Variants in TYR observed in about 807,000 individuals in gnomAD.
TYR encodes tyrosinase.
In TYR, 58 loss-of-function variants were observed where a neutral mutation model predicts 51.5. The observed-to-expected ratio is 1.13, with a 90% CI of 0.91 to 1.40. The LOEUF is 1.40. Among genes scored for constraint, TYR ranks in the 40% most tolerant of loss-of-function variants. The pLI is 0.00. For synonymous variants in TYR, 263 were observed against 235.2 expected (o/e 1.12, Z -1.08); for missense variants, 732 against 647.4 (o/e 1.13, Z -1.42).
At chr11:89,200,012 CA>C (rs1555086538) in intron 2 of TYR, among the ~76,000 whole-genome samples, 1 of 152,150 alleles carries the variant, frequency 6.6e-6, no homozygotes, top group Non-Finnish European at 1.5e-5. Flanking sequence ...GGAAAAATAT[CA>C]CTACACATTA....
intron 1 of TYR, among the ~76,000 whole-genome samples, chr11:89,188,727 A>C (rs1943406917): frequency 1.3e-5 from 2 of 150,406 alleles, no homozygotes; most frequent in African/African-American, 4.9e-5. Context: ...GATTTCATTA[A>C]GATAATGAAG....
intron 2 of TYR, among the ~76,000 whole-genome samples, chr11:89,214,482 C>A (rs1055676158): frequency 4.6e-5 from 7 of 152,114 alleles, no homozygotes; most frequent in African/African-American, 1.7e-4. Flanking sequence ...GACGATTCCT[C>A]AAGGATCTAG....
intron 3 of TYR, among the ~76,000 whole-genome samples, chr11:89,276,934 C>T (rs570386466): frequency 6.6e-6 from 1 of 151,808 alleles, no homozygotes; most frequent in African/African-American, 2.4e-5. Context: ...TTTATTTTGC[C>T]TCTGTAAAAT....
intron 3 of TYR, among the ~76,000 whole-genome samples, chr11:89,256,467 ATG>A (rs5793398): frequency 0.47 from 70,290 of 149,466 alleles, 18,189 homozygotes; most frequent in African/African-American, 0.72. Context: ...ACTTGTGTAT[ATG>A]TGTGTGTGTG....
At chr11:89,212,513 G>A (rs1943772833) in intron 2 of TYR, among the ~76,000 whole-genome samples, 2 of 152,170 alleles carry the variant, frequency 1.3e-5, no homozygotes, top group African/African-American at 2.4e-5. Context: ...GAGGTACAAA[G>A]AGGAGCTGGT....
Position 89,195,075 on chromosome 11 carries a change from T to C in TYR, c.1036+3657T>C, listed in dbSNP as rs77220852. On this transcript the variant is annotated intron_variant, in intron 2 of 4. Transcript: ENST00000263321. ...TCTTGGTCTATAAGGAGTACACAAG[T>C]GAATATAGCAGTGAGGACAGTAGGA... is the stretch of plus-strand genomic sequence containing the variant. 6.0e-3 allele frequency among the ~76,000 whole-genome samples: 914 copies of C among 152,182 alleles called. 7 individuals carry two copies. Among genetic ancestry groups the C allele is most frequent in the African/African-American group, 0.02 (850 of 41,538 alleles).
chr11:89,193,161 G>C (rs948213254), intron 2 of TYR, among the ~76,000 whole-genome samples: 1 of 152,162 alleles, frequency 6.6e-6, no homozygotes, highest in African/African-American at 2.4e-5. Flanking sequence ...ACAGTACTCA[G>C]AATGCTGATA....
At chr11:89,204,799 A>G (rs1248193485) in intron 2 of TYR, among the ~76,000 whole-genome samples, 1 of 151,874 alleles carries the variant, frequency 6.6e-6, no homozygotes, top group Non-Finnish European at 1.5e-5. Flanking sequence ...CCCTTATCAT[A>G]CTAAGAAAAG....
rs61759522 is a variant in TYR at position 89,178,740 on chromosome 11, C to G, written c.787C>G (p.Leu263Val). 6.2e-7 allele frequency: 1 copy of G among 1,614,136 alleles called. No homozygotes were observed. ...GGQHPTNPNL[L>V]SPASFFSSWQ... is the part of the protein sequence containing the mutation. ...TCAGCACCCCACAAATCCTAACTTA[C>G]TCAGCCCAGCATCATTCTTCTCCTC... is the stretch of plus-strand genomic sequence containing the variant. The change falls in exon 1 of 5, where the codon CTC becomes GTC. Residue 263 changes from leucine (L) to valine (V), a missense_variant. Transcript: ENST00000263321.
intron 3 of TYR, among the ~76,000 whole-genome samples, chr11:89,259,011 C>T (rs535189774): frequency 6.6e-6 from 1 of 152,122 alleles, no homozygotes; most frequent in East Asian, 1.9e-4. Context: ...CCTTGCTGCA[C>T]GAATCAGTGG....
chr11:89,258,067 T>C (rs1222449558), intron 3 of TYR, among the ~76,000 whole-genome samples: 1 of 152,066 alleles, frequency 6.6e-6, no homozygotes, highest in Non-Finnish European at 1.5e-5. Flanking sequence ...TGCTAATTGA[T>C]TCCACAACAC....
intron 3 of TYR, among the ~76,000 whole-genome samples, chr11:89,255,893 T>G (rs576313052): frequency 1.6e-4 from 24 of 151,810 alleles, no homozygotes; most frequent in African/African-American, 5.3e-4. Flanking sequence ...TTTTCCATTA[T>G]ACATTTCAGA....
intron 4 of TYR, among the ~76,000 whole-genome samples, chr11:89,290,447 A>G (rs1342320318): frequency 6.6e-6 from 1 of 152,134 alleles, no homozygotes; most frequent in Non-Finnish European, 1.5e-5. Flanking sequence ...AAAAAAGAAA[A>G]TATTTATTAT....
chr11:89,234,141 C>T (rs573457603), intron 3 of TYR, among the ~76,000 whole-genome samples: 1 of 143,696 alleles, frequency 7.0e-6, no homozygotes, highest in East Asian at 2.0e-4. Context: ...TTCCATTGCA[C>T]TTGTTGCTTC....
chr11:89,229,568 AG>A (rs199614679), intron 3 of TYR, among the ~76,000 whole-genome samples: 383 of 150,378 alleles, frequency 2.5e-3, no homozygotes, highest in African/African-American at 4.2e-3. Flanking sequence ...GCAAAAAAAA[AG>A]AAAAAGAAAA....
At chr11:89,294,565 C>T (rs1306402375) in intron 4 of TYR, among the ~76,000 whole-genome samples, 1 of 152,216 alleles carries the variant, frequency 6.6e-6, no homozygotes, top group Non-Finnish European at 1.5e-5. Flanking sequence ...GCCCGGTAAC[C>T]AAGAGCGCCC....
intron 4 of TYR, chr11:89,293,597 A>C (rs533949049): frequency 2.0e-5 from 3 of 152,526 alleles, no homozygotes; most frequent in Non-Finnish European, 4.4e-5. Flanking sequence ...TGAAAAAAAA[A>C]CACACACACC....
chr11:89,178,366 T>G lies in TYR; in HGVS notation c.413T>G (p.Leu138Arg), dbSNP rs367963483. The change falls in exon 1 of 5, where the codon CTC (leucine) becomes CGC (arginine). Residue 138 changes from leucine to arginine, a missense_variant. Leu to Arg is a moderately radical substitution (Grantham distance 102). Coordinates refer to ENST00000263321, the MANE Select transcript of TYR (RefSeq NM_000372.5). ...GAGAAGGACAAATTTTTTGCCTACC[T>G]CACTTTAGCAAAGCATACCATCAGC... The part of the protein sequence containing the change: ...APEKDKFFAY[L>R]TLAKHTISSD... 1 of 1,614,036 alleles carries G rather than the reference T, an allele frequency of 6.2e-7. No homozygotes were observed. The highest frequency in any genetic ancestry group is 1.3e-5 in the African/African-American group (1 of 74,918).
At chr11:89,192,226 T>C (rs1269510032) in intron 2 of TYR, among the ~76,000 whole-genome samples, 2 of 152,164 alleles carry the variant, frequency 1.3e-5, no homozygotes, top group Admixed American at 6.6e-5. Context: ...TTTCTGCTTA[T>C]AGCTGACTCA....
Sources: gnomAD v4.1 joint callset for allele counts (sites outside exome capture counted in the v4.1 genomes callset) on GRCh38, gnomAD v4.1.1 for gene constraint, MANE v1.5 for transcripts, NCBI Gene and HGNC (gene_info 2026-07-23, HGNC 2026-07-21) for gene names.